GRIA1: variants seen among roughly 807,000 people sequenced by gnomAD.
GRIA1 encodes the protein glutamate receptor 1.
GRIA1 carries 31 observed loss-of-function variants against 99.2 expected under a neutral mutation model. That is an observed-to-expected ratio of 0.31 (90% CI 0.23 to 0.42). The LOEUF (loss-of-function observed/expected upper bound fraction) is 0.42. GRIA1 is among the 10% of genes least tolerant of loss of function. GRIA1 has a pLI of 1.00. For missense variants in GRIA1, 782 were observed against 1,157.5 expected, an observed-to-expected ratio of 0.68 and a Z score of 4.71; for synonymous variants, 438 against 432.4, an observed-to-expected ratio of 1.01 and a Z score of -0.16.
At chr5:153,601,929 A>G (rs923556164) in intron 2 of GRIA1, among the ~76,000 whole-genome samples, 3 of 152,222 alleles carry the variant, frequency 2.0e-5, no homozygotes, top group Non-Finnish European at 4.4e-5. Context: ...AGAAGGAGGA[A>G]CAATAGGACA....
intron 7 of GRIA1, among the ~76,000 whole-genome samples, chr5:153,682,485 G>A (rs555198347): frequency 1.4e-4 from 22 of 152,198 alleles, no homozygotes; most frequent in Admixed American, 7.2e-4. Flanking sequence ...TTGCTAAGTC[G>A]GTTTAGCAAG....
At chr5:153,598,788 T>G (rs1764638240) in intron 2 of GRIA1, among the ~76,000 whole-genome samples, 1 of 124,262 alleles carries the variant, frequency 8.0e-6, no homozygotes, top group African/African-American at 2.6e-5. Flanking sequence ...AAAATGAAGG[T>G]TAAACCACGG....
At chr5:153,784,174 A>G (rs1764822692) in intron 13 of GRIA1, among the ~76,000 whole-genome samples, 1 of 152,110 alleles carries the variant, frequency 6.6e-6, no homozygotes, top group South Asian at 2.1e-4. Context: ...TAGGGTCATC[A>G]ACCACCCTGG....
At chr5:153,676,199 A>T (rs971371253) in intron 6 of GRIA1, among the ~76,000 whole-genome samples, 2 of 152,234 alleles carry the variant, frequency 1.3e-5, no homozygotes, top group Non-Finnish European at 2.9e-5. Context: ...AATTAAATTT[A>T]AAAAATTAGA....
At chr5:153,635,212 CA>C (rs1285428513) in intron 2 of GRIA1, among the ~76,000 whole-genome samples, 2 of 152,146 alleles carry the variant, frequency 1.3e-5, no homozygotes, top group African/African-American at 2.4e-5. Flanking sequence ...GCCACTCACC[CA>C]AGGAACAGAA....
In GRIA1 at chr5:153,791,916, A is replaced by G. The variant is rs546906856; in HGVS notation, c.2271-2705A>G. ...TTCATTTGTTCATTTGGAAAAAAAA[A>G]AAAAACTACACAGCATTGAGCATGC... On this transcript the variant is annotated intron_variant, in intron 13 of 15. Transcript: ENST00000285900. Among the ~76,000 whole-genome samples the G allele has an allele frequency of 7.9e-5, 12 of 152,038 alleles. No homozygotes were observed. The East Asian group carries it at 2.3e-3, about 29-fold the overall frequency.
chr5:153,646,904 A>C (rs373786137), intron 2 of GRIA1, 24 bp from the exon 3 acceptor site: 1 of 1,612,330 alleles, frequency 6.2e-7, no homozygotes, highest in Non-Finnish European at 8.5e-7. Context: ...TCTTCTATTC[A>C]TTAATCCTTC....
chr5:153,559,187 G>A (rs1444436176), intron 2 of GRIA1, among the ~76,000 whole-genome samples: 1 of 152,164 alleles, frequency 6.6e-6, no homozygotes, highest in Non-Finnish European at 1.5e-5. Context: ...CTCTGATTCA[G>A]ACACTAATCT....
intron 15 of GRIA1, among the ~76,000 whole-genome samples, chr5:153,804,110 A>T (rs917013854): frequency 6.6e-6 from 1 of 152,068 alleles, no homozygotes; most frequent in Non-Finnish European, 1.5e-5. Flanking sequence ...CTTCTGTTTC[A>T]TAGAGCCCAT....
At chr5:153,772,721 A>C (rs546015660) in intron 13 of GRIA1, among the ~76,000 whole-genome samples, 1 of 152,292 alleles carries the variant, frequency 6.6e-6, no homozygotes, top group Non-Finnish European at 1.5e-5. Flanking sequence ...GATTCAGATG[A>C]TAGTGTTTGG....
At chr5:153,583,313 A>G (rs915732445) in intron 2 of GRIA1, among the ~76,000 whole-genome samples, 1 of 152,220 alleles carries the variant, frequency 6.6e-6, no homozygotes, top group African/African-American at 2.4e-5. Context: ...GCTTAAAACA[A>G]CAGAAACTCA....
chr5:153,784,961 G>A (rs1259011225), intron 13 of GRIA1, among the ~76,000 whole-genome samples: 1 of 152,054 alleles, frequency 6.6e-6, no homozygotes, highest in Admixed American at 6.6e-5. Context: ...GGAGGCTCTG[G>A]TCCCCACTCC....
chr5:153,636,903 C>T (rs1444279459), intron 2 of GRIA1, among the ~76,000 whole-genome samples: 1 of 152,182 alleles, frequency 6.6e-6, no homozygotes, highest in Non-Finnish European at 1.5e-5. Flanking sequence ...GATGGAGTAG[C>T]ATGGTTTATG....
chr5:153,588,271 A>T (rs17519935), intron 2 of GRIA1, among the ~76,000 whole-genome samples: 55,344 of 152,080 alleles, frequency 0.36, 13,078 homozygotes, highest in Non-Finnish European at 0.53. Flanking sequence ...CTTCTGGCTC[A>T]TTTTGTGCAC....
intron 2 of GRIA1, among the ~76,000 whole-genome samples, chr5:153,580,397 C>T (rs1762944391): frequency 6.6e-6 from 1 of 152,166 alleles, no homozygotes; most frequent in Non-Finnish European, 1.5e-5. Context: ...CAGCTTTACA[C>T]ATTATCTTGG....
At chr5:153,507,888 AC>A (rs1461178593) in intron 2 of GRIA1, among the ~76,000 whole-genome samples, 9 of 152,152 alleles carry the variant, frequency 5.9e-5, no homozygotes, top group Non-Finnish European at 1.3e-4. Flanking sequence ...AAACTAGACT[AC>A]CTAGTGTTGC....
intron 14 of GRIA1, among the ~76,000 whole-genome samples, chr5:153,797,759 G>T (rs1025217101): frequency 1.1e-4 from 17 of 152,078 alleles, no homozygotes; most frequent in African/African-American, 3.9e-4. Context: ...GCTGAGAAAA[G>T]CCACCCCCAC....
chr5:153,535,003 C>T (rs1157586745), intron 2 of GRIA1, among the ~76,000 whole-genome samples: 2 of 152,098 alleles, frequency 1.3e-5, no homozygotes, highest in African/African-American at 2.4e-5. Flanking sequence ...TTCATTATAA[C>T]TTTTACCTCC....
intron 13 of GRIA1, among the ~76,000 whole-genome samples, chr5:153,790,458 G>A (rs1765229490): frequency 6.6e-6 from 1 of 152,108 alleles, no homozygotes; most frequent in Admixed American, 6.5e-5. Context: ...TGATGAAAAT[G>A]CAAAACTGAA....
Sources: gnomAD v4.1 joint callset for allele counts (sites outside exome capture counted in the v4.1 genomes callset) on GRCh38, gnomAD v4.1.1 for gene constraint, MANE v1.5 for transcripts, NCBI Gene and HGNC (gene_info 2026-07-23, HGNC 2026-07-21) for gene names.